The following RP1 variants were observed in gnomAD, a reference collection of about 807,000 sequenced individuals.
RP1 encodes RP1 axonemal microtubule associated.
A neutral mutation model predicts 14.8 loss-of-function variants in RP1; 16 were observed. The observed-to-expected ratio is 1.08, with a 90% CI of 0.73 to 1.65. The LOEUF is 1.65. RP1 is among the 40% of genes most tolerant of loss of function. RP1 has a pLI of 0.00. For synonymous variants in RP1, 876 were observed against 883.6 expected (o/e 0.99, Z 0.15); for missense variants, 2,631 against 2,535.0 (o/e 1.04, Z -0.81).
Position 54,627,040 on chromosome 8 carries a change from AC to A in RP1, c.3160del (p.Gln1054ArgfsTer3). The A allele has an allele frequency of 2.5e-6, 4 of 1,614,064 alleles. No homozygotes were observed. The highest frequency in any genetic ancestry group is 3.4e-6 in the Non-Finnish European group (4 of 1,179,956). ...TCAGGACCAGAGAAAAAACTTGTTTACCAGGAAATAAACCTAGCTAGAAAAA... is the reference window on the plus strand; with the variant it reads ...TCAGGACCAGAGAAAAAACTTGTTTACAGGAAATAAACCTAGCTAGAAAAA... ...EKSGPEKKLV[Y>X]QEINLARKRQ... is the part of the protein sequence containing the mutation. On this transcript the variant is annotated frameshift_variant, in exon 4 of 4. Transcript: ENST00000220676. LOFTEE classifies it low-confidence loss of function (END_TRUNC).
intron 12 of RP1, among the ~76,000 whole-genome samples, chr8:54,688,181 T>G (rs1807613475): frequency 6.6e-6 from 1 of 152,200 alleles, no homozygotes; most frequent in East Asian, 1.9e-4. Flanking sequence ...CCTATAAATT[T>G]GTTTAAGTTC....
At chr8:54,758,441 TGAAGGAGGGAGG>T (rs1458729730) in intron 21 of RP1, among the ~76,000 whole-genome samples, 1 of 121,794 alleles carries the variant, frequency 8.2e-6, no homozygotes, top group Admixed American at 1.1e-4. Context: ...AAGGATGTAT[TGAAGGAGGGAGG>T]GAAGGAGGGA....
At position 54,863,466 on chromosome 8, in the gene RP1, T is replaced by C. The variant is rs183474506; in HGVS notation, c.4070-2369T>C. 1.3e-3 allele frequency among the ~76,000 whole-genome samples: 205 copies of C among 152,318 alleles called. 1 individual carries two copies. Among genetic ancestry groups the C allele is most frequent in the African/African-American group, 4.9e-3 (202 of 41,586 alleles). On this transcript the variant is annotated intron_variant, in intron 27 of 28. Coordinates refer to the RP1 transcript ENST00000637698. ...GATGTTAATGACTACAGTTTATACA[T>C]CCACATACATATATTTTAAGTCTTG...
intron 17 of RP1, among the ~76,000 whole-genome samples, chr8:54,729,200 C>T (rs543056420): frequency 1.2e-4 from 18 of 152,250 alleles, no homozygotes; most frequent in African/African-American, 4.3e-4. Flanking sequence ...ATGAGAAAAT[C>T]AAGACCCAGG....
In RP1 at chr8:54,581,008, A is replaced by AT. The variant is rs67080259; in HGVS notation, c.-13+21697dup. ...ATTCTTTTTATTTATTTATCTATTT[A>AT]TTTTTTTTTATTATACTTTAAGTTT... On this transcript the variant is annotated intron_variant, in intron 1 of 22. Coordinates refer to the RP1 transcript ENST00000636932. 3.3e-3 allele frequency among the ~76,000 whole-genome samples: 258 copies of AT among 77,386 alleles called. 1 individual carries two copies. Among genetic ancestry groups the AT allele is most frequent in the Middle Eastern group, 9.1e-3 (1 of 110 alleles). 50.8% of individuals were successfully genotyped at this position (77,386 alleles called of 152,430 possible).
At chr8:54,859,700 T>G (rs1812298003) in intron 27 of RP1, among the ~76,000 whole-genome samples, 1 of 151,774 alleles carries the variant, frequency 6.6e-6, no homozygotes, top group Admixed American at 6.6e-5. Context: ...GTTACTGTAG[T>G]GCTGGGTTGC....
chr8:54,735,815 C>A (rs919602374), intron 18 of RP1, among the ~76,000 whole-genome samples: 8 of 152,134 alleles, frequency 5.3e-5, no homozygotes, highest in Non-Finnish European at 7.4e-5. Flanking sequence ...AGTCACCCCA[C>A]AAAAGTCTAA....
At chr8:54,596,142 A>T (rs991007908) in intron 1 of RP1, among the ~76,000 whole-genome samples, 1 of 152,212 alleles carries the variant, frequency 6.6e-6, no homozygotes, top group Non-Finnish European at 1.5e-5. Context: ...AGACTTCAAG[A>T]GCTTTTTCAT....
At chr8:54,782,417 T>A (rs924070915) in intron 23 of RP1, among the ~76,000 whole-genome samples, 6 of 152,182 alleles carry the variant, frequency 3.9e-5, no homozygotes, top group Non-Finnish European at 7.3e-5. Context: ...CATTGTGTTT[T>A]TAAAAGAAAA....
At chr8:54,784,482 G>A (rs971288816) in intron 24 of RP1, among the ~76,000 whole-genome samples, 7 of 151,704 alleles carry the variant, frequency 4.6e-5, no homozygotes, top group African/African-American at 1.5e-4. Context: ...CATTTAAATG[G>A]CTTTCAAGTT....
At chr8:54,605,494 G>T (rs565424149) in intron 1 of RP1, among the ~76,000 whole-genome samples, 130 of 152,170 alleles carry the variant, frequency 8.5e-4, no homozygotes, top group African/African-American at 3.1e-3. Flanking sequence ...GTAGTGTGGT[G>T]CTGAAAAGAA....
chr8:54,670,671 T>TTATATA (rs375877155), intron 7 of RP1, among the ~76,000 whole-genome samples: 1,337 of 62,522 alleles, frequency 0.021, 155 homozygotes, highest in African/African-American at 0.044. Flanking sequence ...ATATATGTTT[T>TTATATA]TATATATATA....
At chr8:54,814,234 A>G (rs1221312221) in intron 24 of RP1, among the ~76,000 whole-genome samples, 3 of 152,130 alleles carry the variant, frequency 2.0e-5, no homozygotes, top group Admixed American at 6.5e-5. Flanking sequence ...TTAGGCGCAT[A>G]TTTAAGACAT....
At chr8:54,772,643 G>A (rs535039434), downstream of RP1, among the ~76,000 whole-genome samples, 8 of 152,302 alleles carry the variant, frequency 5.3e-5, no homozygotes, top group South Asian at 1.7e-3. Context: ...CACAGGTGAT[G>A]AAACTAAAGG....
chr8:54,583,941 C>A (rs975514164), intron 1 of RP1, among the ~76,000 whole-genome samples: 76 of 152,058 alleles, frequency 5.0e-4, no homozygotes, highest in African/African-American at 1.7e-3. Context: ...TTGATCTTTT[C>A]AAAAAACCAG....
intron 1 of RP1, among the ~76,000 whole-genome samples, chr8:54,607,662 C>A (rs1160870489): frequency 6.6e-6 from 1 of 152,200 alleles, no homozygotes; most frequent in Non-Finnish European, 1.5e-5. Context: ...TAGAGGCAGG[C>A]AGGCCTCCTT....
At chr8:54,752,161 A>C (rs955778368) in intron 19 of RP1, among the ~76,000 whole-genome samples, 3 of 152,240 alleles carry the variant, frequency 2.0e-5, no homozygotes, top group African/African-American at 7.2e-5. Flanking sequence ...AACTGAAATA[A>C]ACAAGAGTTA....
rs6982574 is a variant in RP1 at position 54,706,176 on chromosome 8, A to C, written c.1999-267A>C. Among the ~76,000 whole-genome samples the C allele has an allele frequency of 1.7e-3, 261 of 152,288 alleles. 2 individuals carry two copies. Among genetic ancestry groups the C allele is most frequent in the African/African-American group, 6.1e-3 (255 of 41,558 alleles). ...AGGTGATAGTAAATTCCTTAAGAGA[A>C]ATATATGTGTTTTGTATCTTTTAAA... is the stretch of plus-strand genomic sequence containing the variant. On this transcript the variant is annotated intron_variant, in intron 14 of 22. Transcript: ENST00000636932.
chr8:54,823,203 C>G (rs1317695795), intron 24 of RP1, among the ~76,000 whole-genome samples: 1 of 152,170 alleles, frequency 6.6e-6, no homozygotes, highest in African/African-American at 2.4e-5. Flanking sequence ...TCACAGCTCC[C>G]CCACCTCCAC....
Sources: gnomAD v4.1 joint callset for allele counts (sites outside exome capture counted in the v4.1 genomes callset) on GRCh38, gnomAD v4.1.1 for gene constraint, MANE v1.5 for transcripts, NCBI Gene and HGNC (gene_info 2026-07-23, HGNC 2026-07-21) for gene names.